Variants in SUGCT observed in about 807,000 individuals in gnomAD.
The protein encoded by SUGCT is succinyl-CoA:glutarate-CoA transferase.
SUGCT carries 41 observed loss-of-function variants against 55.0 expected under a neutral mutation model. The ratio of observed to expected loss-of-function variants is 0.74; its 90% CI spans 0.58 to 0.97. SUGCT has a LOEUF of 0.97. Among genes scored for constraint, SUGCT ranks in the 50% least tolerant of loss-of-function variants. The pLI, the probability that SUGCT is intolerant of heterozygous loss-of-function variation, is 0.00. For synonymous variants in SUGCT, 187 were observed against 200.4 expected (o/e 0.93, Z 0.56); for missense variants, 568 against 547.8 (o/e 1.04, Z -0.37).
chr7:40,824,842 G>T (rs929047786), intron 13 of SUGCT, among the ~76,000 whole-genome samples: 1 of 152,192 alleles, frequency 6.6e-6, no homozygotes, highest in African/African-American at 2.4e-5. Context: ...ACTGGCATTA[G>T]TCCACTTATG....
the SUGCT span, among the ~76,000 whole-genome samples, chr7:41,009,208 T>TAA: frequency 0.03 from 3,121 of 103,144 alleles, 166 homozygotes; most frequent in East Asian, 0.19. Flanking sequence ...TGTCTCTCTC[T>TAA]AAAAAAAAAA....
chr7:40,863,495 T>G (rs1399529794), downstream of SUGCT, among the ~76,000 whole-genome samples: 1 of 152,190 alleles, frequency 6.6e-6, no homozygotes, highest in Non-Finnish European at 1.5e-5. Flanking sequence ...GGATTCATAC[T>G]CCAGATAATG....
the SUGCT span, among the ~76,000 whole-genome samples, chr7:40,878,850 G>C: frequency 6.6e-6 from 1 of 150,422 alleles, no homozygotes; most frequent in African/African-American, 2.5e-5. Flanking sequence ...CTGGAATGCA[G>C]TGGCGCAATA....
At chr7:40,723,657 G>A (rs565176308) in intron 12 of SUGCT, among the ~76,000 whole-genome samples, 11 of 152,122 alleles carry the variant, frequency 7.2e-5, no homozygotes, top group Admixed American at 1.3e-4. Flanking sequence ...ATTAAATCAC[G>A]AAACCACAGG....
chr7:41,035,723 C>A, the SUGCT span, among the ~76,000 whole-genome samples: 1 of 152,148 alleles, frequency 6.6e-6, no homozygotes, highest in Non-Finnish European at 1.5e-5. Flanking sequence ...TCAAATAATG[C>A]AGGTGGTGTG....
chr7:40,764,094 A>G (rs541840184), intron 13 of SUGCT, among the ~76,000 whole-genome samples: 3 of 152,304 alleles, frequency 2.0e-5, no homozygotes, highest in African/African-American at 7.2e-5. Flanking sequence ...CCCCCACCAA[A>G]AAAAAGTGTG....
At chr7:40,926,229 A>G in the SUGCT span, among the ~76,000 whole-genome samples, 2 of 152,162 alleles carry the variant, frequency 1.3e-5, no homozygotes, top group African/African-American at 4.8e-5. Context: ...ATATTTCAAT[A>G]GTAGTAATCA....
chr7:40,772,555 T>TATC (rs1475967784), intron 13 of SUGCT, among the ~76,000 whole-genome samples: 5 of 145,006 alleles, frequency 3.4e-5, no homozygotes, highest in African/African-American at 1.0e-4. Flanking sequence ...TCTATCTATC[T>TATC]ATCTATCTGG....
chr7:40,985,981 T>C, the SUGCT span, among the ~76,000 whole-genome samples: 1 of 152,152 alleles, frequency 6.6e-6, no homozygotes, highest in Non-Finnish European at 1.5e-5. Flanking sequence ...ATAATTACAG[T>C]GTTTATTTTC....
At chr7:40,661,156 C>A (rs1183064936) in intron 12 of SUGCT, among the ~76,000 whole-genome samples, 1 of 152,120 alleles carries the variant, frequency 6.6e-6, no homozygotes, top group African/African-American at 2.4e-5. Flanking sequence ...CATTTCACAC[C>A]TTCTCCAGTC....
At chr7:40,517,288 C>G (rs1415337995) in intron 12 of SUGCT, among the ~76,000 whole-genome samples, 1 of 151,396 alleles carries the variant, frequency 6.6e-6, no homozygotes, top group African/African-American at 2.4e-5. Context: ...TGTTATCTTC[C>G]TATCCAATCT....
intron 9 of SUGCT, among the ~76,000 whole-genome samples, chr7:40,321,510 G>A (rs867553556): frequency 9.9e-5 from 15 of 152,062 alleles, no homozygotes; most frequent in African/African-American, 3.1e-4. Context: ...AGCCTCCCGA[G>A]TAGCTGGGAC....
chr7:40,873,781 C>A, the SUGCT span, among the ~76,000 whole-genome samples: 1 of 152,186 alleles, frequency 6.6e-6, no homozygotes, highest in Non-Finnish European at 1.5e-5. Context: ...AGGTACTCAA[C>A]ATCAAGGAAC....
At chr7:41,033,506 G>A in the SUGCT span, among the ~76,000 whole-genome samples, 3 of 152,032 alleles carry the variant, frequency 2.0e-5, no homozygotes, top group African/African-American at 7.2e-5. Context: ...CTCTTAGAAT[G>A]GTGTCTTGAA....
chr7:40,889,342 G>C, the SUGCT span, among the ~76,000 whole-genome samples: 6 of 152,178 alleles, frequency 3.9e-5, no homozygotes, highest in African/African-American at 1.4e-4. Context: ...CAATCCTTGA[G>C]GGTTATGTGT....
chr7:40,665,127 T>A (rs978668832), intron 12 of SUGCT, among the ~76,000 whole-genome samples: 1 of 151,796 alleles, frequency 6.6e-6, no homozygotes, highest in African/African-American at 2.4e-5. Context: ...GAAAGTGAAC[T>A]TTACAAAGCA....
chr7:40,717,741 A>G (rs906889948), intron 12 of SUGCT, among the ~76,000 whole-genome samples: 1 of 152,204 alleles, frequency 6.6e-6, no homozygotes, highest in Non-Finnish European at 1.5e-5. Context: ...AACGCTGTAG[A>G]TGAATAGTAA....
At chr7:40,994,066 T>G in the SUGCT span, among the ~76,000 whole-genome samples, 1 of 152,110 alleles carries the variant, frequency 6.6e-6, no homozygotes. Flanking sequence ...GAAGGGGCAA[T>G]GCAGAGAGAA....
chr7:40,407,726 TC>T (rs903191317), intron 9 of SUGCT, among the ~76,000 whole-genome samples: 2 of 151,040 alleles, frequency 1.3e-5, no homozygotes, highest in African/African-American at 2.4e-5. Flanking sequence ...GAATTAAGAG[TC>T]CCCCCCTCCC....
Sources: gnomAD v4.1 joint callset for allele counts (sites outside exome capture counted in the v4.1 genomes callset) on GRCh38, gnomAD v4.1.1 for gene constraint, MANE v1.5 for transcripts, NCBI Gene and HGNC (gene_info 2026-07-23, HGNC 2026-07-21) for gene names.